Variants in TMEM245 observed in about 807,000 individuals in gnomAD.
TMEM245 encodes protein CG-2.
Under a neutral mutation model 101.2 loss-of-function variants are expected in TMEM245, and 69 were observed. The observed-to-expected ratio is 0.68, with a 90% CI of 0.56 to 0.83. TMEM245 has a LOEUF of 0.83. Among genes scored for constraint, TMEM245 ranks in the 40% least tolerant of loss-of-function variants. TMEM245 has a pLI of 0.00. For synonymous variants in TMEM245, 537 were observed against 449.8 expected (o/e 1.19, Z -2.45); for missense variants, 1,075 against 1,092.8 (o/e 0.98, Z 0.23).
intron 1 of TMEM245, among the ~76,000 whole-genome samples, chr9:109,113,842 C>T (rs752490502): frequency 6.6e-6 from 1 of 152,188 alleles, no homozygotes; most frequent in African/African-American, 2.4e-5. Context: ...ATAATCCCAG[C>T]ACTTTGGGAG....
chr9:109,106,683 T>C (rs1830433430), intron 2 of TMEM245, 74 bp from the exon 3 acceptor site: 8 of 1,124,338 alleles, frequency 7.1e-6, no homozygotes, highest in African/African-American at 1.5e-5. Flanking sequence ...CTCAGTTTTG[T>C]AGTTTGACAG....
intron 7 of TMEM245, among the ~76,000 whole-genome samples, chr9:109,083,253 A>G (rs1829721662): frequency 6.6e-6 from 1 of 152,202 alleles, no homozygotes; most frequent in South Asian, 2.1e-4. Flanking sequence ...ACTCACAAAG[A>G]AACAGCAACT....
chr9:109,060,328 A>G (rs1453036362), intron 11 of TMEM245, 26 bp downstream of exon 11: 1 of 1,527,920 alleles, frequency 6.5e-7, no homozygotes. Flanking sequence ...AGTTTACAAC[A>G]GGAAACTTTA....
chr9:109,057,977 C>T (rs543873375), intron 11 of TMEM245, among the ~76,000 whole-genome samples: 49 of 134,228 alleles, frequency 3.7e-4, no homozygotes, highest in African/African-American at 1.3e-3. Context: ...CTCTTGATTT[C>T]CCATCTTTGC....
Position 109,091,160 on chromosome 9 carries a change from AAAGG to A in TMEM245, c.917-9_917-6del. 6.2e-7 allele frequency: 1 copy of A among 1,611,766 alleles called. No homozygotes were observed. Among genetic ancestry groups the A allele is most frequent in the Non-Finnish European group, 8.5e-7 (1 of 1,178,676 alleles). ...ATTCTCCCCTGTCCACTGCTTCTGA[AAAGG>A]AAAAGAAAAACACCACACACCGCAT... On this transcript the variant is annotated splice_polypyrimidine_tract_variant and splice_region_variant and intron_variant, in intron 4 of 17. Transcript: ENST00000374586.
intron 10 of TMEM245, among the ~76,000 whole-genome samples, chr9:109,063,795 G>A (rs1436010732): frequency 6.6e-6 from 1 of 152,124 alleles, no homozygotes; most frequent in African/African-American, 2.4e-5. Flanking sequence ...GCACACTCCT[G>A]TCTCTGCATC....
intron 1 of TMEM245, among the ~76,000 whole-genome samples, chr9:109,115,126 C>T (rs1564215310): frequency 6.6e-6 from 1 of 152,132 alleles, no homozygotes; most frequent in Non-Finnish European, 1.5e-5. Context: ...GAAGGTGGAT[C>T]ACCTGAGGTC....
At chr9:109,068,174 T>C (rs930073444) in intron 9 of TMEM245, among the ~76,000 whole-genome samples, 10 of 152,008 alleles carry the variant, frequency 6.6e-5, no homozygotes, top group Non-Finnish European at 1.3e-4. Context: ...GAGACCATCC[T>C]GGCTAACACG....
intron 11 of TMEM245, among the ~76,000 whole-genome samples, chr9:109,059,370 T>C (rs548381194): frequency 6.6e-6 from 1 of 152,262 alleles, no homozygotes; most frequent in East Asian, 1.9e-4. Flanking sequence ...GACTTACATA[T>C]ATACTTGCTC....
chr9:109,086,415 T>C (rs879872742), intron 6 of TMEM245, among the ~76,000 whole-genome samples: 4 of 152,126 alleles, frequency 2.6e-5, no homozygotes, highest in Non-Finnish European at 2.9e-5. Flanking sequence ...CTGCTAACCT[T>C]CCCTTTCTCA....
At chr9:109,091,237 C>T (rs1829998556) in intron 4 of TMEM245, 82 bp from the exon 5 acceptor site, 1 of 1,216,178 alleles carries the variant, frequency 8.2e-7, no homozygotes, top group African/African-American at 1.5e-5. Context: ...TTAGGCTAGC[C>T]TGTTTCAGGC....
chr9:109,056,326 G>A (rs949258725), intron 12 of TMEM245, among the ~76,000 whole-genome samples: 1 of 150,932 alleles, frequency 6.6e-6, no homozygotes, highest in African/African-American at 2.4e-5. Context: ...AGGTGTGATG[G>A]CTCATGCCTA....
At chr9:109,108,609 C>T (rs1462926329) in intron 1 of TMEM245, 39 bp from the exon 2 acceptor site, 3 of 1,424,086 alleles carry the variant, frequency 2.1e-6, no homozygotes, top group Non-Finnish European at 2.9e-6. Context: ...AATCTATACA[C>T]GTGAAAATGA....
At chr9:109,055,737 C>T (rs999346311) in intron 12 of TMEM245, among the ~76,000 whole-genome samples, 3 of 151,888 alleles carry the variant, frequency 2.0e-5, no homozygotes, top group Non-Finnish European at 4.4e-5. Context: ...CAGATTCAAG[C>T]GATTCTCCTG....
chr9:109,109,950 G>C (rs951978254), intron 1 of TMEM245, among the ~76,000 whole-genome samples: 1 of 152,116 alleles, frequency 6.6e-6, no homozygotes, highest in Admixed American at 6.5e-5. Context: ...TATTTGGGTG[G>C]TAAAATTTTG....
chr9:109,083,925 A>AAAAAAAAAAAAAAAAC (rs1554725114), intron 7 of TMEM245, among the ~76,000 whole-genome samples: 1 of 140,872 alleles, frequency 7.1e-6, no homozygotes, highest in Admixed American at 7.1e-5. Flanking sequence ...AAAAAAAAAA[A>AAAAAAAAAAAAAAAAC]AAAACACCAG....
intron 14 of TMEM245, among the ~76,000 whole-genome samples, chr9:109,047,857 G>T (rs1828545958): frequency 6.6e-6 from 1 of 152,170 alleles, no homozygotes; most frequent in Non-Finnish European, 1.5e-5. Flanking sequence ...CTTTGATATG[G>T]CTGCTACAAT....
intron 3 of TMEM245, among the ~76,000 whole-genome samples, chr9:109,096,419 G>A (rs191259581): frequency 2.0e-4 from 31 of 152,352 alleles, no homozygotes; most frequent in Middle Eastern, 3.4e-3. Context: ...AGAGGTTGCA[G>A]TGAGCCGAGA....
At chr9:109,043,657 C>T (rs1010291488) in intron 14 of TMEM245, among the ~76,000 whole-genome samples, 4 of 152,122 alleles carry the variant, frequency 2.6e-5, no homozygotes, top group East Asian at 1.9e-4. Flanking sequence ...CTCAGATGGA[C>T]GTGATTTAGC....
Sources: gnomAD v4.1 joint callset for allele counts (sites outside exome capture counted in the v4.1 genomes callset) on GRCh38, gnomAD v4.1.1 for gene constraint, MANE v1.5 for transcripts, NCBI Gene and HGNC (gene_info 2026-07-23, HGNC 2026-07-21) for gene names.